ARHGAP6: variants seen among roughly 807,000 people sequenced by gnomAD.
ARHGAP6 encodes the protein rho GTPase-activating protein 6.
ARHGAP6 carries 16 observed loss-of-function variants against 55.7 expected under a neutral mutation model. That is an observed-to-expected ratio of 0.29 (90% CI 0.19 to 0.44). The LOEUF is 0.44. Among genes scored for constraint, ARHGAP6 ranks in the 20% least tolerant of loss-of-function variants. The pLI, the probability that ARHGAP6 is intolerant of heterozygous loss-of-function variation, is 1.00. For missense variants in ARHGAP6, 698 were observed against 808.9 expected (o/e 0.86, Z 1.66); for synonymous variants, 382 against 360.9 (o/e 1.06, Z -0.66).
chrX:11,367,495 A>C (rs918371477), intron 1 of ARHGAP6, among the ~76,000 whole-genome samples: 3 of 111,861 alleles, frequency 2.7e-5, no homozygotes, highest in Non-Finnish European at 3.8e-5. Context: ...ATTTGTGATG[A>C]ATCTTTGACT....
At chrX:11,256,683 G>A (rs777654307) in intron 1 of ARHGAP6, among the ~76,000 whole-genome samples, 8 of 112,113 alleles carry the variant, frequency 7.1e-5, no homozygotes, top group Non-Finnish European at 1.3e-4. Context: ...GGAGAAAAAG[G>A]CAAAGAAGGG....
intron 1 of ARHGAP6, among the ~76,000 whole-genome samples, chrX:11,528,823 A>C (rs983422970): frequency 8.9e-6 from 1 of 111,779 alleles, no homozygotes; most frequent in African/African-American, 3.3e-5. Context: ...TCTCCAAGGC[A>C]TCCATGCATG....
chrX:11,359,137 T>C (rs1603125469), intron 1 of ARHGAP6, among the ~76,000 whole-genome samples: 1 of 112,004 alleles, frequency 8.9e-6, no homozygotes, highest in Non-Finnish European at 1.9e-5. Context: ...GTACTAGGTA[T>C]TACAAATAAT....
intron 1 of ARHGAP6, among the ~76,000 whole-genome samples, chrX:11,295,103 G>C (rs1167764160): frequency 8.9e-6 from 1 of 112,043 alleles, no homozygotes; most frequent in African/African-American, 3.2e-5. Flanking sequence ...GATTCTGTTG[G>C]AACTGTTAGC....
At chrX:11,572,720 G>C (rs915666324) in intron 1 of ARHGAP6, among the ~76,000 whole-genome samples, 9 of 111,664 alleles carry the variant, frequency 8.1e-5, no homozygotes, top group African/African-American at 2.3e-4. Context: ...GGGAAGGCTG[G>C]GTCAAATGGT....
intron 1 of ARHGAP6, among the ~76,000 whole-genome samples, chrX:11,617,999 C>T (rs1373280968): frequency 3.6e-5 from 4 of 111,386 alleles, no homozygotes; most frequent in African/African-American, 1.3e-4. Context: ...ACAATAATCA[C>T]AAGAGTATTT....
chrX:11,490,705 T>C (rs1056691152), intron 1 of ARHGAP6, among the ~76,000 whole-genome samples: 5 of 112,379 alleles, frequency 4.4e-5, no homozygotes, highest in Admixed American at 9.4e-5. Context: ...TTTATGGCTA[T>C]TCACAGTTTT....
intron 1 of ARHGAP6, among the ~76,000 whole-genome samples, chrX:11,357,618 C>G (rs1603122279): frequency 9.0e-6 from 1 of 111,223 alleles, no homozygotes; most frequent in East Asian, 2.8e-4. Flanking sequence ...TCCTTTCTTC[C>G]CCCAAAGCTG....
At chrX:11,410,417 C>G (rs748147496) in intron 1 of ARHGAP6, among the ~76,000 whole-genome samples, 19 of 112,530 alleles carry the variant, frequency 1.7e-4, no homozygotes, top group African/African-American at 5.5e-4. Context: ...ATCTCAAGAA[C>G]AGGCAAATCT....
chrX:11,624,669 A>G (rs2052273474), intron 1 of ARHGAP6, among the ~76,000 whole-genome samples: 1 of 112,151 alleles, frequency 8.9e-6, no homozygotes, highest in Non-Finnish European at 1.9e-5. Context: ...CTCCTGCCTC[A>G]GCCTCCTGAG....
chrX:11,592,043 AG>A (rs1287574453), intron 1 of ARHGAP6, among the ~76,000 whole-genome samples: 4 of 111,744 alleles, frequency 3.6e-5, no homozygotes, highest in Non-Finnish European at 5.6e-5. Context: ...AAGTAGTCCC[AG>A]GAAAAAATAG....
At chrX:11,567,152 T>C (rs770862483) in intron 1 of ARHGAP6, among the ~76,000 whole-genome samples, 1 of 111,886 alleles carries the variant, frequency 8.9e-6, no homozygotes, top group Non-Finnish European at 1.9e-5. Context: ...AAGATTTCTC[T>C]AAACATGTTA....
At chrX:11,616,740 G>C (rs955944350) in intron 1 of ARHGAP6, among the ~76,000 whole-genome samples, 5 of 111,782 alleles carry the variant, frequency 4.5e-5, no homozygotes, top group Non-Finnish European at 9.4e-5. Context: ...GCACAATTTT[G>C]CCACCCAGGG....
In ARHGAP6 at chrX:11,138,586, CTTATA is replaced by C. The variant is rs1251294680; in HGVS notation, c.*272_*276del. 2.6e-6 allele frequency: 1 copy of C among 391,973 alleles called. No individual in the cohort carries two copies. Among genetic ancestry groups the C allele is most frequent in the Non-Finnish European group, 4.4e-6 (1 of 227,614 alleles). The allele number at this position is 391,973 out of a possible 1,213,427, so 32.3% of individuals were successfully genotyped here. On this transcript the variant is annotated 3_prime_UTR_variant, in exon 13 of 13. Transcript: ENST00000337414. The stretch of plus-strand genomic sequence containing the variant: ...AGGCTATACCAAGCAAGAGTTGTAT[CTTATA>C]TTATAGAGCCAAGAGGGACGTTTTT...
At chrX:11,310,790 T>G (rs910560090) in intron 1 of ARHGAP6, among the ~76,000 whole-genome samples, 27 of 111,886 alleles carry the variant, frequency 2.4e-4, no homozygotes, top group African/African-American at 8.1e-4. Flanking sequence ...CAGCTTTGCT[T>G]CTAGGCCACT....
In ARHGAP6 at chrX:11,137,728, T is replaced by C. The variant is rs989977093; in HGVS notation, c.*1135A>G. 3 of 111,938 alleles carry C rather than the reference T, an allele frequency of 2.7e-5. No homozygotes were observed. Among genetic ancestry groups the C allele is most frequent in the Admixed American group, 1.9e-4 (2 of 10,518 alleles). 9.2% of individuals were successfully genotyped at this position (111,938 alleles called of 1,213,427 possible). On this transcript the variant is annotated 3_prime_UTR_variant, in exon 13 of 13. Transcript: ENST00000337414. ...CATAAAATACTGAAGCGTATCGCCA[T>C]CTGCTGGTCAAAAATAGTTATGCAC...
intron 1 of ARHGAP6, among the ~76,000 whole-genome samples, chrX:11,358,754 T>C (rs1417550258): frequency 9.0e-6 from 1 of 111,658 alleles, no homozygotes; most frequent in East Asian, 2.8e-4. Flanking sequence ...AGTGCTGGGA[T>C]TACAGGCGTG....
At position 11,665,178 on chromosome X, in the gene ARHGAP6, C is replaced by A. The variant is rs985587356; in HGVS notation, c.-350G>T. 4 of 183,323 alleles carry A rather than the reference C, an allele frequency of 2.2e-5. No individual in the cohort carries two copies. Among genetic ancestry groups the A allele is most frequent in the Non-Finnish European group, 4.0e-5 (4 of 99,425 alleles). The allele number at this position is 183,323 out of a possible 1,213,427, so 15.1% of individuals were successfully genotyped here. A position where few individuals can be genotyped will look rare whatever the true frequency, so the allele number is the denominator to read the frequency against. On this transcript the variant is annotated 5_prime_UTR_variant, in exon 1 of 13. Coordinates refer to ENST00000337414, the MANE Select transcript of ARHGAP6 (RefSeq NM_013427.3). ...CCAGCTCCAGCCTGCCAGCGCCACT[C>A]CCCCTTCCTAGCTGAGGCGGGAGAC...
chrX:11,436,893 G>C (rs913559335), intron 1 of ARHGAP6, among the ~76,000 whole-genome samples: 2 of 100,820 alleles, frequency 2.0e-5, no homozygotes, highest in South Asian at 5.1e-4. Flanking sequence ...AGGAGTTGAG[G>C]GGGGGATAGC....
Sources: allele counts gnomAD v4.1 joint callset (sites outside exome capture counted in the v4.1 genomes callset), GRCh38; gene constraint gnomAD v4.1.1; transcripts MANE v1.5; gene names NCBI Gene and HGNC (gene_info 2026-07-23, HGNC 2026-07-21).